Variants in ATF1 observed in about 807,000 individuals in gnomAD.
The protein encoded by ATF1 is activating transcription factor 1, also known as cyclic AMP-dependent transcription factor ATF-1.
Under a neutral mutation model 34.7 loss-of-function variants are expected in ATF1, and 16 were observed. The observed-to-expected ratio is 0.46, with a 90% CI of 0.31 to 0.70. ATF1 has a LOEUF of 0.70. Among genes scored for constraint, ATF1 ranks in the 30% least tolerant of loss-of-function variants. The probability of loss-of-function intolerance (pLI) is 0.05; values close to 1 mark genes in which losing one functional copy is unlikely to be tolerated. For synonymous variants in ATF1, 105 were observed against 113.1 expected (o/e 0.93, Z 0.46); for missense variants, 255 against 321.6 (o/e 0.79, Z 1.58).
intron 1 of ATF1, among the ~76,000 whole-genome samples, chr12:50,768,959 T>G (rs571690004): frequency 3.3e-5 from 5 of 152,314 alleles, no homozygotes; most frequent in African/African-American, 9.6e-5. Flanking sequence ...GAGAGTCAGC[T>G]CTTATCTGCA....
chr12:50,789,385 T>C (rs1941254348), intron 2 of ATF1, among the ~76,000 whole-genome samples: 1 of 152,210 alleles, frequency 6.6e-6, no homozygotes, highest in African/African-American at 2.4e-5. Flanking sequence ...TATTTTTATT[T>C]GTTCCTGCTC....
At chr12:50,798,914 A>C (rs930190851) in intron 3 of ATF1, among the ~76,000 whole-genome samples, 2 of 152,220 alleles carry the variant, frequency 1.3e-5, no homozygotes, top group African/African-American at 4.8e-5. Context: ...GAACTTAACT[A>C]TGTATAGGAC....
chr12:50,781,781 G>A (rs1387451882), intron 2 of ATF1, among the ~76,000 whole-genome samples: 1 of 152,028 alleles, frequency 6.6e-6, no homozygotes, highest in Non-Finnish European at 1.5e-5. Context: ...TGGGTGTGGT[G>A]GCACTACAAC....
At chr12:50,807,049 C>T (rs1296362706) in intron 3 of ATF1, among the ~76,000 whole-genome samples, 6 of 152,080 alleles carry the variant, frequency 3.9e-5, no homozygotes, top group African/African-American at 1.2e-4. Context: ...AAGTATTTGG[C>T]CTAGAATAAG....
rs1036461202 is a variant in ATF1, at chr12:50,795,951, G to A, written c.136G>A (p.Asp46Asn). Residue 46 changes from aspartate (D) to asparagine (N), a missense_variant, in exon 3 of 7, where the codon GAC becomes AAC. By Grantham distance (23) the Asp-to-Asn change is conservative. This residue lies in a region of ATF1 where 221 missense variants were observed against 250.7 expected (regional missense o/e 0.88). Coordinates refer to ENST00000262053, the MANE Select transcript of ATF1 (RefSeq NM_005171.5). ...SESEESQDSS[D>N]SIGSSQKAHG... is the part of the protein sequence containing the mutation. ...AAGTGAGGAGTCCCAGGACTCATCC[G>A]ACAGCATAGGCTCCTCACAGAAAGC... 5.0e-6 allele frequency: 8 copies of A among 1,612,986 alleles called. 1 individual carries two copies. The highest frequency in any genetic ancestry group is 3.4e-5 in the Admixed American group (2 of 59,504).
At chr12:50,771,479 G>A (rs528208872) in intron 1 of ATF1, among the ~76,000 whole-genome samples, 23 of 152,214 alleles carry the variant, frequency 1.5e-4, no homozygotes, top group Admixed American at 1.4e-3. Context: ...TTTTTACCCT[G>A]AATGCAAGAG....
At chr12:50,774,724 G>GA (rs1324539985) in intron 1 of ATF1, among the ~76,000 whole-genome samples, 1 of 150,654 alleles carries the variant, frequency 6.6e-6, no homozygotes, top group East Asian at 1.9e-4. Flanking sequence ...TTTTATTTTG[G>GA]AAAAAAGAGT....
intron 2 of ATF1, among the ~76,000 whole-genome samples, chr12:50,784,038 C>T (rs895360576): frequency 3.9e-5 from 6 of 151,960 alleles, no homozygotes; most frequent in African/African-American, 1.5e-4. Flanking sequence ...TGGCGTTTGT[C>T]TGCAGTCCCA....
At chr12:50,769,147 C>G (rs978786009) in intron 1 of ATF1, among the ~76,000 whole-genome samples, 9 of 152,190 alleles carry the variant, frequency 5.9e-5, no homozygotes, top group African/African-American at 1.9e-4. Context: ...ATAGAATGTA[C>G]TTTTGGTAAA....
chr12:50,811,124 A>C (rs1488089270), intron 4 of ATF1, among the ~76,000 whole-genome samples: 1 of 152,080 alleles, frequency 6.6e-6, no homozygotes, highest in Non-Finnish European at 1.5e-5. Context: ...GTCATTGCTC[A>C]TGCCTGGCAT....
upstream of ATF1, chr12:50,763,720 G>A (rs936720301): frequency 1.3e-5 from 2 of 151,456 alleles, no homozygotes; most frequent in African/African-American, 2.4e-5. Context: ...CAGGGCCGGC[G>A]TCGGTCAAGG....
At chr12:50,790,981 C>T (rs549188556) in intron 2 of ATF1, among the ~76,000 whole-genome samples, 2 of 152,012 alleles carry the variant, frequency 1.3e-5, no homozygotes, top group East Asian at 3.9e-4. Context: ...CTGGAACAAA[C>T]AGTAAAATTT....
chr12:50,797,488 G>GT (rs943423712), intron 3 of ATF1, among the ~76,000 whole-genome samples: 26 of 152,118 alleles, frequency 1.7e-4, no homozygotes, highest in Non-Finnish European at 2.8e-4. Context: ...ATTATTACAT[G>GT]TTTTTTTGAG....
intron 4 of ATF1, among the ~76,000 whole-genome samples, chr12:50,811,846 T>TG (rs2139692644): frequency 6.6e-6 from 1 of 152,102 alleles, no homozygotes; most frequent in South Asian, 2.1e-4. Flanking sequence ...GAAAGAAGCT[T>TG]GGGAGCAGAG....
Position 50,809,590 on chromosome 12 carries a change from G to T in ATF1, c.328+1G>T. On this transcript the variant is annotated splice_donor_variant, in intron 4 of 6. Transcript: ENST00000262053. LOFTEE classifies it high-confidence loss of function. ...TATCAGACTAGCAGCGGACAGTACA[G>T]TATGTATAGGAATCAGTTTCCACAT... 6.2e-7 allele frequency: 1 copy of T among 1,606,880 alleles called. No individual in the cohort carries two copies.
At position 50,814,351 on chromosome 12, in the gene ATF1, G is replaced by T. The variant is rs1460936104; in HGVS notation, c.583G>T (p.Val195Leu). Residue 195 changes from valine to leucine, a missense_variant, in exon 6 of 7, where the codon GTG becomes TTG. By Grantham distance (32) the Val-to-Leu change is conservative. Transcript: ENST00000262053. Reference sequence around the variant, plus strand: ...AGCTACTTCTCTGCCACAAACTGTGGTGATGACATCTCCTGTGACTCTCAC... The same window carrying T: ...AGCTACTTCTCTGCCACAAACTGTGTTGATGACATCTCCTGTGACTCTCAC... ...PSATSLPQTV[V>L]MTSPVTLTSQ... The T allele has an allele frequency of 1.2e-6, 2 of 1,614,108 alleles. No individual in the cohort carries two copies. The highest frequency in any genetic ancestry group is 2.7e-5 in the African/African-American group (2 of 75,032).
At chr12:50,809,189 C>A (rs778883959) in intron 3 of ATF1, among the ~76,000 whole-genome samples, 3 of 151,954 alleles carry the variant, frequency 2.0e-5, no homozygotes, top group Non-Finnish European at 2.9e-5. Context: ...GCCTGGCCAA[C>A]ATGGTGAAAC....
At chr12:50,803,062 A>G (rs1180318373) in intron 3 of ATF1, among the ~76,000 whole-genome samples, 2 of 151,648 alleles carry the variant, frequency 1.3e-5, no homozygotes, top group African/African-American at 4.9e-5. Flanking sequence ...GGAGTTCAAG[A>G]CCAGCATGGC....
At chr12:50,793,800 T>A (rs1941354655) in intron 2 of ATF1, among the ~76,000 whole-genome samples, 1 of 152,106 alleles carries the variant, frequency 6.6e-6, no homozygotes, top group Non-Finnish European at 1.5e-5. Flanking sequence ...CTAGAACTCA[T>A]TTTTGAAGGA....
Sources: allele counts gnomAD v4.1 joint callset (sites outside exome capture counted in the v4.1 genomes callset), GRCh38; gene constraint gnomAD v4.1.1; regional missense constraint gnomAD v4.1.1; transcripts MANE v1.5; gene names NCBI Gene and HGNC (gene_info 2026-07-23, HGNC 2026-07-21).